ADAMTS18: variants seen among roughly 807,000 people sequenced by gnomAD.
The protein encoded by ADAMTS18 is A disintegrin and metalloproteinase with thrombospondin motifs 18.
Under a neutral mutation model 165.9 loss-of-function variants are expected in ADAMTS18, and 157 were observed. That is an observed-to-expected ratio of 0.95 (90% CI 0.83 to 1.08). The LOEUF is 1.08. Among genes scored for constraint, ADAMTS18 ranks in the 50% least tolerant of loss-of-function variants. ADAMTS18 has a pLI of 0.00. For missense variants in ADAMTS18, 2,040 were observed against 1,534.0 expected (o/e 1.33, Z -5.51); for synonymous variants, 782 against 578.2 (o/e 1.35, Z -5.06).
At chr16:77,423,057 C>T (rs55808816) in intron 3 of ADAMTS18, among the ~76,000 whole-genome samples, 14,488 of 152,206 alleles carry the variant, frequency 0.095, 922 homozygotes, top group Middle Eastern at 0.15. Flanking sequence ...CTACCCAGGA[C>T]CTACTGAATG....
At position 77,417,889 on chromosome 16, in the gene ADAMTS18, C is replaced by T. The variant is rs541768589; in HGVS notation, c.495+13406G>A. Among the ~76,000 whole-genome samples, 6 of 152,314 alleles carry T rather than the reference C, an allele frequency of 3.9e-5. No homozygotes were observed. In the East Asian group the frequency reaches 7.7e-4, roughly 20 times the overall value. ...AACATCCCTTATTTCATTTTCAGAA[C>T]AGCTCATCGCTCCTATTCTTACAGG... On this transcript the variant is annotated intron_variant, in intron 3 of 22. Coordinates refer to ENST00000282849, the MANE Select transcript of ADAMTS18 (RefSeq NM_199355.4).
chr16:77,410,706 T>C (rs1301214645), intron 3 of ADAMTS18, among the ~76,000 whole-genome samples: 1 of 152,066 alleles, frequency 6.6e-6, no homozygotes, highest in Non-Finnish European at 1.5e-5. Context: ...GAGAAACCGA[T>C]GGTATAAGAA....
chr16:77,423,174 C>G (rs555677779), intron 3 of ADAMTS18, among the ~76,000 whole-genome samples: 4 of 152,162 alleles, frequency 2.6e-5, no homozygotes, highest in African/African-American at 9.7e-5. Context: ...CTTATAACGC[C>G]AGCTTGCAGT....
At chr16:77,421,601 A>G (rs1280859701) in intron 3 of ADAMTS18, among the ~76,000 whole-genome samples, 4 of 152,234 alleles carry the variant, frequency 2.6e-5, no homozygotes, top group African/African-American at 9.7e-5. Flanking sequence ...GAAAACAAGG[A>G]TGAAATGAGT....
chr16:77,376,800 T>C, intron 3 of ADAMTS18, among the ~76,000 whole-genome samples: 1 of 142,176 alleles, frequency 7.0e-6, no homozygotes, highest in South Asian at 2.3e-4. Context: ...TTCAAGGGCC[T>C]AAATCATTCT....
At chr16:77,309,733 G>T (rs915167178) in intron 16 of ADAMTS18, among the ~76,000 whole-genome samples, 1 of 152,064 alleles carries the variant, frequency 6.6e-6, no homozygotes, top group African/African-American at 2.4e-5. Flanking sequence ...TTCCAGGATC[G>T]CATTATCCTG....
intron 3 of ADAMTS18, among the ~76,000 whole-genome samples, chr16:77,412,228 G>A (rs116236344): frequency 4.9e-4 from 75 of 152,304 alleles, no homozygotes; most frequent in African/African-American, 1.6e-3. Flanking sequence ...AACTCAGACT[G>A]TAACTCGTAC....
intron 10 of ADAMTS18, among the ~76,000 whole-genome samples, chr16:77,351,784 G>A (rs1230409019): frequency 6.6e-6 from 1 of 151,962 alleles, no homozygotes; most frequent in African/African-American, 2.4e-5. Flanking sequence ...GTACTGACTG[G>A]AGTACAGTAG....
chr16:77,355,856 C>A (rs770139172), intron 9 of ADAMTS18, 84 bp downstream of exon 9: 1 of 1,517,254 alleles, frequency 6.6e-7, no homozygotes. Context: ...GGTATTTCCA[C>A]TGAGTATTCG....
intron 16 of ADAMTS18, among the ~76,000 whole-genome samples, chr16:77,300,641 T>C (rs536553770): frequency 2.0e-5 from 3 of 152,122 alleles, no homozygotes; most frequent in East Asian, 1.9e-4. Flanking sequence ...CAAAACACGA[T>C]TGACATTTGC....
intron 3 of ADAMTS18, among the ~76,000 whole-genome samples, chr16:77,413,607 G>T (rs114170473): frequency 1.5e-3 from 233 of 152,068 alleles, no homozygotes; most frequent in African/African-American, 5.2e-3. Context: ...TATAATAGTG[G>T]GACATTGGGT....
intron 3 of ADAMTS18, among the ~76,000 whole-genome samples, chr16:77,422,601 G>A (rs998322841): frequency 1.7e-4 from 26 of 150,758 alleles, no homozygotes; most frequent in Admixed American, 5.3e-4. Context: ...GGAAGGAAAA[G>A]AAGAAAGGAG....
At chr16:77,400,207 TAGACAGTTC>T (rs955865194) in intron 3 of ADAMTS18, among the ~76,000 whole-genome samples, 2 of 152,176 alleles carry the variant, frequency 1.3e-5, no homozygotes, top group African/African-American at 4.8e-5. Context: ...CCAGCTGCAG[TAGACAGTTC>T]AGGCTAAGCT....
At chr16:77,333,920 C>G (rs2056233371) in intron 12 of ADAMTS18, among the ~76,000 whole-genome samples, 4 of 141,490 alleles carry the variant, frequency 2.8e-5, no homozygotes, top group African/African-American at 1.0e-4. Flanking sequence ...GTCCTATATA[C>G]TAAATATAAA....
chr16:77,364,220 C>T lies in ADAMTS18; in HGVS notation c.940G>A (p.Val314Ile), dbSNP rs1477902288. The T allele has an allele frequency of 1.2e-6, 2 of 1,613,920 alleles. No homozygotes were observed. Among genetic ancestry groups the T allele is most frequent in the African/African-American group, 2.7e-5 (2 of 74,876 alleles). Residue 314 changes from valine to isoleucine, a missense_variant, in exon 5 of 23, where the codon GTC becomes ATC. Transcript: ENST00000282849. ...KMVEKHGKGNVTTYILTVMNM... is the reference protein window; with the variant it reads ...KMVEKHGKGNITTYILTVMNM... ...ATTACTGTGAGAATGTATGTGGTGA[C>T]ATTTCCCTTGCCATGCTTTTCCACC...
chr16:77,283,969 G>GTGCATGACT lies in ADAMTS18; in HGVS notation c.3644_3652dup (p.Lys1215_Cys1217dup). 3 of 1,613,660 alleles carry GTGCATGACT rather than the reference G, an allele frequency of 1.9e-6. No individual in the cohort carries two copies. Among genetic ancestry groups the GTGCATGACT allele is most frequent in the Non-Finnish European group, 2.5e-6 (3 of 1,179,662 alleles). The stretch of plus-strand genomic sequence containing the variant: ...AGGACACCAAGATCAGATCTTCCTT[G>GTGCATGACT]TGCATGACTTGCAGCATTGTTTTCC... On this transcript the variant is annotated inframe_insertion, in exon 23 of 23. Coordinates refer to ENST00000282849, the MANE Select transcript of ADAMTS18 (RefSeq NM_199355.4).
In ADAMTS18 at chr16:77,319,942, G is replaced by A. The variant is rs1275346638; in HGVS notation, c.2439C>T (p.Pro813=). ...GGTATTCAAACGTGGTCCCAGCGAAGGGGAACTCCCCAGGCCAGTCGATGC... is the reference window on the plus strand; with the variant it reads ...GGTATTCAAACGTGGTCCCAGCGAAAGGGAACTCCCCAGGCCAGTCGATGC... ...GWSIDWPGEF[P]FAGTTFEYQR... Residue 813 remains proline (P), a synonymous_variant, in exon 16 of 23, where the codon CCC becomes CCT. Coordinates refer to ENST00000282849, the MANE Select transcript of ADAMTS18 (RefSeq NM_199355.4). The A allele has an allele frequency of 1.2e-6, 2 of 1,614,084 alleles. No homozygotes were observed. The highest frequency in any genetic ancestry group is 2.7e-5 in the African/African-American group (2 of 74,932).
intron 3 of ADAMTS18, among the ~76,000 whole-genome samples, chr16:77,424,206 C>T (rs937805246): frequency 2.0e-5 from 3 of 152,142 alleles, no homozygotes; most frequent in Admixed American, 2.0e-4. Context: ...CGGTGGCTCA[C>T]GCCTGTAATC....
intron 10 of ADAMTS18, among the ~76,000 whole-genome samples, chr16:77,349,279 C>G (rs1256361257): frequency 6.6e-6 from 1 of 151,914 alleles, no homozygotes; most frequent in Non-Finnish European, 1.5e-5. Context: ...AATAAGATGG[C>G]TACAAGATGA....
Sources: allele counts gnomAD v4.1 joint callset (sites outside exome capture counted in the v4.1 genomes callset), GRCh38; gene constraint gnomAD v4.1.1; transcripts MANE v1.5; gene names NCBI Gene and HGNC (gene_info 2026-07-23, HGNC 2026-07-21).